Variants in WDR35 observed in about 807,000 individuals in gnomAD.
WDR35 encodes the protein WD repeat-containing protein 35.
In WDR35, 118 loss-of-function variants were observed where a neutral mutation model predicts 158.3. The observed-to-expected ratio is 0.75, with a 90% CI of 0.64 to 0.87. WDR35 has a LOEUF of 0.87. WDR35 is among the 40% of genes least tolerant of loss of function. WDR35 has a pLI of 0.00. For synonymous variants in WDR35, 448 were observed against 476.1 expected (o/e 0.94, Z 0.77); for missense variants, 1,263 against 1,405.8 (o/e 0.90, Z 1.62).
In WDR35 at chr2:19,930,479, C is replaced by G; in HGVS notation, c.3038G>C (p.Trp1013Ser). 1 of 1,614,176 alleles carries G rather than the reference C, an allele frequency of 6.2e-7. No homozygotes were observed. Among genetic ancestry groups the G allele is most frequent in the Middle Eastern group, 1.6e-4 (1 of 6,062 alleles). ...GAAGTGGTAAGCCTCTGCCCCTCTC[C>G]ATGCATTATCTGTGAAACGATCTGT... Reference protein sequence around the residue: ...STTDRFTDNAWRGAEAYHFFI... With the variant: ...STTDRFTDNASRGAEAYHFFI... The change falls in exon 25 of 27, where the codon TGG becomes TCG. Residue 1013 changes from tryptophan (W) to serine (S), a missense_variant. By Grantham distance (177) the Trp-to-Ser change is radical (BLOSUM62 -3). Coordinates refer to ENST00000281405, the MANE Select transcript of WDR35 (RefSeq NM_020779.4).
At chr2:19,981,650 G>A (rs1319743247) in intron 3 of WDR35, among the ~76,000 whole-genome samples, 1 of 151,982 alleles carries the variant, frequency 6.6e-6, no homozygotes, top group African/African-American at 2.4e-5. Context: ...CCTGAGTACT[G>A]GGGACTACGG....
rs1391298963 is a variant in WDR35 at position 19,911,795 on chromosome 2, A to G, written c.*1763T>C. The G allele has an allele frequency of 6.6e-6, 1 of 152,242 alleles. No individual in the cohort carries two copies. The highest frequency in any genetic ancestry group is 1.9e-4 in the East Asian group (1 of 5,202). 9.4% of individuals were successfully genotyped at this position (152,242 alleles called of 1,614,324 possible). A position where few individuals can be genotyped will look rare whatever the true frequency, so the allele number is the denominator to read the frequency against. On this transcript the variant is annotated 3_prime_UTR_variant, in exon 27 of 27. Coordinates refer to ENST00000281405, the MANE Select transcript of WDR35 (RefSeq NM_020779.4). ...ACACTAAGTATGCATGAGACATATAAAGCCTTCAGTATGTGTGAGAAGTTG... is the reference window on the plus strand; with the variant it reads ...ACACTAAGTATGCATGAGACATATAGAGCCTTCAGTATGTGTGAGAAGTTG...
At position 19,941,720 on chromosome 2, in the gene WDR35, G is replaced by C. The variant is rs540863444; in HGVS notation, c.1926+39C>G. 4.9e-6 allele frequency: 7 copies of C among 1,425,792 alleles called. No homozygotes were observed. The South Asian group carries it at 6.1e-5, about 12-fold the overall frequency. 88.3% of individuals were successfully genotyped at this position (1,425,792 alleles called of 1,614,324 possible). ...CCGCCTGGTCCAGAAATAATCCCCT[G>C]TCAAGCTAGCAACAGAAATGTAACT... On this transcript the variant is annotated intron_variant, in intron 17 of 26. Transcript: ENST00000281405.
chr2:19,989,110 G>A (rs985081557), intron 2 of WDR35, 55 bp downstream of exon 2: 8 of 1,500,156 alleles, frequency 5.3e-6, no homozygotes, highest in African/African-American at 4.1e-5. Context: ...AGACCGCACT[G>A]AACAAATAAC....
intron 3 of WDR35, among the ~76,000 whole-genome samples, chr2:19,982,051 T>G (rs865958171): frequency 3.3e-5 from 5 of 152,200 alleles, no homozygotes; most frequent in Admixed American, 6.5e-5. Flanking sequence ...CTTAAATGAC[T>G]TTTCGGTGAT....
rs772589605 is a variant in WDR35, at chr2:19,978,895, T to TA, written c.308-17dup. The TA allele has an allele frequency of 2.5e-6, 4 of 1,613,016 alleles. No homozygotes were observed. In the Admixed American group the frequency reaches 6.7e-5, roughly 27 times the overall value. ...ATCCAAGAGCCTGTTTTCACAAATT[T>TA]AAAAAATTACAAGTCAAAACTTTCA... On this transcript the variant is annotated splice_polypyrimidine_tract_variant and intron_variant, in intron 4 of 26. Coordinates refer to ENST00000281405, the MANE Select transcript of WDR35 (RefSeq NM_020779.4).
chr2:19,947,372 TC>T (rs558498092), intron 14 of WDR35, among the ~76,000 whole-genome samples: 99 of 152,206 alleles, frequency 6.5e-4, no homozygotes, highest in African/African-American at 2.1e-3. Context: ...TTAAGATTTT[TC>T]CCCCCATAAA....
chr2:19,952,271 C>T (rs1421827161), intron 12 of WDR35, among the ~76,000 whole-genome samples: 2 of 152,118 alleles, frequency 1.3e-5, no homozygotes, highest in East Asian at 1.9e-4. Context: ...ATACTTTAAG[C>T]TCATGTGTCT....
At chr2:19,932,932 T>G (rs925871989) in intron 22 of WDR35, among the ~76,000 whole-genome samples, 10 of 152,188 alleles carry the variant, frequency 6.6e-5, no homozygotes, top group African/African-American at 1.9e-4. Flanking sequence ...TTAGTTTAAT[T>G]TCAGCTCTTA....
intron 25 of WDR35, among the ~76,000 whole-genome samples, chr2:19,916,955 T>A (rs1467131124): frequency 6.6e-6 from 1 of 152,138 alleles, no homozygotes; most frequent in African/African-American, 2.4e-5. Context: ...AGTGGGTCCC[T>A]GGGACCCATG....
intron 13 of WDR35, among the ~76,000 whole-genome samples, chr2:19,949,488 C>T (rs1267942900): frequency 1.3e-5 from 2 of 152,046 alleles, no homozygotes; most frequent in Admixed American, 6.6e-5. Flanking sequence ...CTGTACTGTT[C>T]GATATGGTAG....
intron 3 of WDR35, among the ~76,000 whole-genome samples, chr2:19,981,507 A>C (rs1229022665): frequency 6.6e-6 from 1 of 151,992 alleles, no homozygotes; most frequent in East Asian, 1.9e-4. Flanking sequence ...GTTGTTATAC[A>C]TCTTCAGTCT....
At chr2:19,961,409 C>A (rs566339454) in intron 10 of WDR35, among the ~76,000 whole-genome samples, 2 of 152,336 alleles carry the variant, frequency 1.3e-5, no homozygotes, top group South Asian at 4.1e-4. Flanking sequence ...TCAGCTCACA[C>A]AATTCTGACT....
intron 11 of WDR35, among the ~76,000 whole-genome samples, chr2:19,956,425 C>T (rs1484906812): frequency 6.6e-6 from 1 of 152,114 alleles, no homozygotes; most frequent in Non-Finnish European, 1.5e-5. Flanking sequence ...ATTCAAATGA[C>T]AGGCACTTGT....
chr2:19,968,008 C>A (rs1429841329), intron 9 of WDR35, among the ~76,000 whole-genome samples: 1 of 152,126 alleles, frequency 6.6e-6, no homozygotes, highest in African/African-American at 2.4e-5. Flanking sequence ...TGGGGTGTGA[C>A]AATTTCTCAG....
intron 2 of WDR35, among the ~76,000 whole-genome samples, chr2:19,984,002 CATATATATATATATATATATATATATAT>C (rs753374553): frequency 1.1e-5 from 1 of 89,948 alleles, no homozygotes; most frequent in Admixed American, 1.4e-4. Context: ...CATTCTAATG[CATATATATATATATATATATATATATAT>C]ATATATATAT....
chr2:19,973,322 T>C (rs771930609), intron 8 of WDR35, among the ~76,000 whole-genome samples: 27 of 152,272 alleles, frequency 1.8e-4, no homozygotes, highest in Non-Finnish European at 1.2e-4. Context: ...TCCATGGTGA[T>C]TTCTTATGTT....
chr2:19,940,475 C>T (rs1670836992), intron 17 of WDR35, among the ~76,000 whole-genome samples: 1 of 152,188 alleles, frequency 6.6e-6, no homozygotes, highest in South Asian at 2.1e-4. Flanking sequence ...ATTAGTTTTA[C>T]AAGTCATATA....
rs146625285 is a variant in WDR35 at position 19,989,841 on chromosome 2, C to T, written c.24+151G>A. The T allele has an allele frequency of 4.4e-4, 579 of 1,301,886 alleles. 3 individuals carry two copies. In the African/African-American group the frequency reaches 7.4e-3, roughly 17 times the overall value. 80.6% of individuals were successfully genotyped at this position (1,301,886 alleles called of 1,614,324 possible). ...GGCTCTGGGAACCGCAGGAAGAGGT[C>T]GGAGGCTGGACCCGGCGGGAAGGAT... On this transcript the variant is annotated intron_variant, in intron 1 of 26. Transcript: ENST00000281405.
Sources: allele counts gnomAD v4.1 joint callset (sites outside exome capture counted in the v4.1 genomes callset), GRCh38; gene constraint gnomAD v4.1.1; transcripts MANE v1.5; gene names NCBI Gene and HGNC (gene_info 2026-07-23, HGNC 2026-07-21).